The following KCNH7 variants were observed in gnomAD, a reference collection of about 807,000 sequenced individuals.
KCNH7 encodes the protein potassium voltage-gated channel subfamily H member 7.
Under a neutral mutation model 120.8 loss-of-function variants are expected in KCNH7, and 49 were observed. The observed-to-expected ratio is 0.41, with a 90% CI of 0.32 to 0.51. KCNH7 has a LOEUF of 0.51. Ranked by LOEUF, KCNH7 falls within the 20% of genes least tolerant of loss-of-function variation. The probability of loss-of-function intolerance (pLI) is 0.38; values close to 1 mark genes in which losing one functional copy is unlikely to be tolerated. For synonymous variants in KCNH7, 547 were observed against 516.1 expected, an observed-to-expected ratio of 1.06 and a Z score of -0.81; for missense variants, 1,097 against 1,446.6, an observed-to-expected ratio of 0.76 and a Z score of 3.92.
intron 2 of KCNH7, among the ~76,000 whole-genome samples, chr2:162,642,211 G>T (rs948170933): frequency 6.6e-6 from 1 of 152,054 alleles, no homozygotes; most frequent in East Asian, 1.9e-4. Flanking sequence ...CACTCAATTT[G>T]TAATCACAAC....
chr2:162,793,117 T>C (rs1006572130), intron 2 of KCNH7, among the ~76,000 whole-genome samples: 1 of 151,944 alleles, frequency 6.6e-6, no homozygotes, highest in South Asian at 2.1e-4. Flanking sequence ...TATGCAGCCA[T>C]AAAAAGGAAT....
intron 2 of KCNH7, among the ~76,000 whole-genome samples, chr2:162,826,585 A>G (rs1685296455): frequency 6.6e-6 from 1 of 152,146 alleles, no homozygotes; most frequent in Non-Finnish European, 1.5e-5. Context: ...AATGTTAGAG[A>G]TTGATTTTCA....
intron 8 of KCNH7, among the ~76,000 whole-genome samples, chr2:162,431,348 C>A (rs1688060561): frequency 6.6e-6 from 1 of 151,548 alleles, no homozygotes; most frequent in Admixed American, 6.6e-5. Context: ...TTTTTTCAGG[C>A]TAAAATAAGG....
intron 6 of KCNH7, among the ~76,000 whole-genome samples, chr2:162,478,902 C>A (rs1213918606): frequency 6.6e-6 from 1 of 152,144 alleles, no homozygotes. Context: ...GCAGGTTAAA[C>A]TCCAGAACAT....
At chr2:162,775,904 C>T (rs1304267741) in intron 2 of KCNH7, among the ~76,000 whole-genome samples, 1 of 152,206 alleles carries the variant, frequency 6.6e-6, no homozygotes, top group Non-Finnish European at 1.5e-5. Flanking sequence ...CTTGGCTCTG[C>T]TCTTTACTAG....
intron 2 of KCNH7, among the ~76,000 whole-genome samples, chr2:162,618,017 A>G (rs528327151): frequency 6.6e-6 from 1 of 152,048 alleles, no homozygotes; most frequent in African/African-American, 2.4e-5. Flanking sequence ...TATTTTTATA[A>G]TTAATACAAA....
intron 8 of KCNH7, among the ~76,000 whole-genome samples, chr2:162,434,991 T>C (rs1688191735): frequency 6.6e-6 from 1 of 152,074 alleles, no homozygotes; most frequent in Non-Finnish European, 1.5e-5. Context: ...TTTATGCCCA[T>C]AGTTCCCTAA....
chr2:162,479,615 A>G (rs1299084132), intron 6 of KCNH7, among the ~76,000 whole-genome samples: 1 of 152,016 alleles, frequency 6.6e-6, no homozygotes, highest in Non-Finnish European at 1.5e-5. Flanking sequence ...GATGTCTCCT[A>G]AGATAGAGGC....
At position 162,468,512 on chromosome 2, in the gene KCNH7, C is replaced by CTTTT. The variant is rs1166606647; in HGVS notation, c.1129-22073_1129-22070dup. Among the ~76,000 whole-genome samples, 13 of 78,916 alleles carry CTTTT rather than the reference C, an allele frequency of 1.6e-4. 1 individual carries two copies. Among genetic ancestry groups the CTTTT allele is most frequent in the African/African-American group, 6.0e-4 (9 of 14,896 alleles). 51.8% of individuals were successfully genotyped at this position (78,916 alleles called of 152,430 possible). The stretch of plus-strand genomic sequence containing the variant: ...CTTGGGCAAGGTATTTATTCTTTTC[C>CTTTT]TTTTTTTTTTTTTTTTTTTTTTTTT... On this transcript the variant is annotated intron_variant, in intron 6 of 15. Coordinates refer to ENST00000332142, the MANE Select transcript of KCNH7 (RefSeq NM_033272.4).
chr2:162,434,779 T>C (rs1471450321), intron 8 of KCNH7, among the ~76,000 whole-genome samples: 2 of 152,042 alleles, frequency 1.3e-5, no homozygotes, highest in Non-Finnish European at 2.9e-5. Flanking sequence ...GTTGTAATGA[T>C]ATATATGGTT....
intron 2 of KCNH7, among the ~76,000 whole-genome samples, chr2:162,788,097 C>G (rs1478266608): frequency 1.3e-5 from 2 of 151,688 alleles, no homozygotes; most frequent in South Asian, 4.1e-4. Context: ...AATCATGACA[C>G]CAACAAAGAA....
At chr2:162,379,369 G>A (rs941083676) in intron 14 of KCNH7, among the ~76,000 whole-genome samples, 3 of 152,148 alleles carry the variant, frequency 2.0e-5, no homozygotes, top group African/African-American at 7.2e-5. Context: ...CAACGGTGAA[G>A]GAAACAAGAA....
At chr2:162,514,030 A>C (rs143220329) in intron 4 of KCNH7, among the ~76,000 whole-genome samples, 290 of 151,932 alleles carry the variant, frequency 1.9e-3, no homozygotes, top group East Asian at 5.9e-3. Flanking sequence ...CGTCACTGTC[A>C]TATCAAAACC....
chr2:162,612,572 G>A (rs1683005380), intron 2 of KCNH7, among the ~76,000 whole-genome samples: 1 of 151,738 alleles, frequency 6.6e-6, no homozygotes, highest in South Asian at 2.1e-4. Context: ...TCTGGCAAAA[G>A]GAAATGACAC....
Position 162,502,100 on chromosome 2 carries a change from T to C in KCNH7, c.1128+2343A>G, listed in dbSNP as rs145677426. 456 of 152,176 alleles carry C rather than the reference T, an allele frequency of 3.0e-3. 4 individuals are homozygous for C. Among genetic ancestry groups the C allele is most frequent in the African/African-American group, 0.01 (430 of 41,544 alleles). The allele number at this position is 152,176 out of a possible 1,614,324, so 9.4% of individuals were successfully genotyped here. On this transcript the variant is annotated intron_variant, in intron 6 of 15. Transcript: ENST00000332142. The stretch of plus-strand genomic sequence containing the variant: ...GCCTCTCGCCAGCTCAGAAAACCAC[T>C]TGTTCTAAAAAGTCATATGGACTTT...
chr2:162,731,134 T>C (rs1185930940), intron 2 of KCNH7, among the ~76,000 whole-genome samples: 1 of 150,162 alleles, frequency 6.7e-6, no homozygotes, highest in Admixed American at 6.6e-5. Flanking sequence ...AAATCATAAG[T>C]AACATGGAAA....
At chr2:162,791,110 G>C (rs558062682) in intron 2 of KCNH7, among the ~76,000 whole-genome samples, 1 of 152,124 alleles carries the variant, frequency 6.6e-6, no homozygotes, top group South Asian at 2.1e-4. Context: ...ACCTAATTTA[G>C]TGAAGTTTCA....
intron 2 of KCNH7, among the ~76,000 whole-genome samples, chr2:162,671,867 C>T (rs1430546935): frequency 2.0e-5 from 3 of 151,920 alleles, no homozygotes; most frequent in Admixed American, 2.0e-4. Flanking sequence ...TCTAAAGATA[C>T]TAGAGAAACT....
At chr2:162,381,006 C>A (rs923907577) in intron 13 of KCNH7, among the ~76,000 whole-genome samples, 2 of 151,894 alleles carry the variant, frequency 1.3e-5, no homozygotes, top group African/African-American at 2.4e-5. Flanking sequence ...GATGTTTTTG[C>A]TGCTCTCTTA....
Sources: allele counts gnomAD v4.1 joint callset (sites outside exome capture counted in the v4.1 genomes callset), GRCh38; gene constraint gnomAD v4.1.1; transcripts MANE v1.5; gene names NCBI Gene and HGNC (gene_info 2026-07-23, HGNC 2026-07-21).